The following ERC2 variants were observed in gnomAD, a reference collection of about 807,000 sequenced individuals.
ERC2 encodes ELKS/RAB6-interacting/CAST family member 2, also known as ERC protein 2.
Under a neutral mutation model 114.8 loss-of-function variants are expected in ERC2, and 42 were observed. That is an observed-to-expected ratio of 0.37 (90% CI 0.29 to 0.47). The LOEUF is 0.47. ERC2 is among the 20% of genes least tolerant of loss of function. ERC2 has a pLI of 0.99. For synonymous variants in ERC2, 454 were observed against 425.5 expected, an observed-to-expected ratio of 1.07 and a Z score of -0.82; for missense variants, 939 against 1,150.7, an observed-to-expected ratio of 0.82 and a Z score of 2.66.
chr3:55,808,701 TTA>T (rs377604698), intron 14 of ERC2, among the ~76,000 whole-genome samples: 6,270 of 61,254 alleles, frequency 0.1, 232 homozygotes, highest in East Asian at 0.14. Flanking sequence ...TACCATAATT[TTA>T]TATATATATA....
At chr3:55,744,445 AAAAC>A (rs796935932) in intron 14 of ERC2, among the ~76,000 whole-genome samples, 16 of 152,240 alleles carry the variant, frequency 1.1e-4, no homozygotes, top group African/African-American at 3.9e-4. Context: ...AACAAAAAGC[AAAAC>A]AAACAAACAA....
At chr3:56,079,180 T>G (rs1465453836) in intron 7 of ERC2, among the ~76,000 whole-genome samples, 1 of 152,154 alleles carries the variant, frequency 6.6e-6, no homozygotes, top group Non-Finnish European at 1.5e-5. Flanking sequence ...TGAAATTCAT[T>G]TTCATTTACC....
chr3:56,150,208 C>T (rs1390040748), intron 4 of ERC2, among the ~76,000 whole-genome samples: 1 of 152,150 alleles, frequency 6.6e-6, no homozygotes, highest in Non-Finnish European at 1.5e-5. Flanking sequence ...AGACTAAGAA[C>T]TCCAAAAGTA....
intron 17 of ERC2, among the ~76,000 whole-genome samples, chr3:55,528,377 A>G (rs2053462619): frequency 6.6e-6 from 1 of 152,208 alleles, no homozygotes. Context: ...ACTGCCTATT[A>G]TCTTGGCAAA....
rs546734063 is a variant in ERC2 at position 56,462,511 on chromosome 3, T to C, written c.-141+5737A>G. On this transcript the variant is annotated intron_variant, in intron 1 of 17. Transcript: ENST00000288221. Reference sequence around the variant, plus strand: ...ACTAGCCCATGAAATCAAACTCAAATATTTCAACCAGGAATCCAGATGCCT... The same window carrying C: ...ACTAGCCCATGAAATCAAACTCAAACATTTCAACCAGGAATCCAGATGCCT... Among the ~76,000 whole-genome samples, 72 of 152,284 alleles carry C rather than the reference T, an allele frequency of 4.7e-4. 3 individuals are homozygous for C. In the South Asian group the frequency reaches 0.014, roughly 30 times the overall value.
chr3:55,884,167 CAGCAGAATGCTTATCAG>C (rs2063254662), intron 14 of ERC2, among the ~76,000 whole-genome samples: 1 of 152,156 alleles, frequency 6.6e-6, no homozygotes, highest in Admixed American at 6.5e-5. Context: ...TAAAATTAAA[CAGCAGAATGCTTATCAG>C]AACACTGGAA....
chr3:55,779,523 T>C (rs1430296023), intron 14 of ERC2, among the ~76,000 whole-genome samples: 1 of 150,854 alleles, frequency 6.6e-6, no homozygotes, highest in African/African-American at 2.4e-5. Context: ...GTTCTGGAAA[T>C]ATAGACTGCT....
chr3:55,539,926 ATT>A (rs58377855), intron 17 of ERC2, among the ~76,000 whole-genome samples: 577 of 130,096 alleles, frequency 4.4e-3, no homozygotes, highest in African/African-American at 9.4e-3. Flanking sequence ...TCCTGTGGGG[ATT>A]TTTTTTTTTT....
intron 17 of ERC2, among the ~76,000 whole-genome samples, chr3:55,517,120 A>G (rs2052567436): frequency 6.6e-6 from 1 of 152,142 alleles, no homozygotes. Flanking sequence ...AATACCTGTG[A>G]TATGTAACTA....
intron 1 of ERC2, among the ~76,000 whole-genome samples, chr3:56,439,604 T>G (rs943155036): frequency 3.3e-5 from 5 of 151,944 alleles, no homozygotes; most frequent in Non-Finnish European, 7.4e-5. Context: ...GATTTTCCAG[T>G]CTTATTGGCA....
chr3:55,808,699 TTTTA>T (rs1288846181), intron 14 of ERC2, among the ~76,000 whole-genome samples: 3 of 60,910 alleles, frequency 4.9e-5, no homozygotes, highest in East Asian at 5.6e-4. Flanking sequence ...TATACCATAA[TTTTA>T]TATATATATA....
intron 17 of ERC2, among the ~76,000 whole-genome samples, chr3:55,668,434 G>C (rs988628451): frequency 5.3e-5 from 8 of 152,184 alleles, no homozygotes; most frequent in Non-Finnish European, 7.3e-5. Flanking sequence ...ACTAAGTAGA[G>C]TTACACATGG....
chr3:56,087,602 A>G (rs1307216527), intron 6 of ERC2, among the ~76,000 whole-genome samples: 3 of 152,178 alleles, frequency 2.0e-5, no homozygotes, highest in Admixed American at 6.6e-5. Flanking sequence ...ACTTGAGAGA[A>G]AAAAACACCT....
At chr3:55,763,560 G>A (rs972838226) in intron 14 of ERC2, among the ~76,000 whole-genome samples, 3 of 152,162 alleles carry the variant, frequency 2.0e-5, no homozygotes, top group African/African-American at 7.2e-5. Flanking sequence ...TTTAAAGGGG[G>A]ATAGTTACTG....
intron 2 of ERC2, among the ~76,000 whole-genome samples, chr3:56,361,978 T>C (rs112630815): frequency 4.6e-5 from 7 of 152,254 alleles, no homozygotes; most frequent in African/African-American, 1.7e-4. Context: ...AGAAACACTG[T>C]TTTAATTACA....
chr3:55,968,664 A>G (rs1302623986), intron 12 of ERC2, among the ~76,000 whole-genome samples: 1 of 152,164 alleles, frequency 6.6e-6, no homozygotes, highest in African/African-American at 2.4e-5. Flanking sequence ...CACAAAAATG[A>G]TACACGTTTA....
chr3:55,818,459 C>T (rs1575701568), intron 14 of ERC2, among the ~76,000 whole-genome samples: 1 of 152,202 alleles, frequency 6.6e-6, no homozygotes, highest in Admixed American at 6.5e-5. Context: ...TGCTATTACA[C>T]TGATAAGATT....
chr3:56,225,161 T>C (rs1467813785), intron 3 of ERC2, among the ~76,000 whole-genome samples: 1 of 152,128 alleles, frequency 6.6e-6, no homozygotes, highest in Non-Finnish European at 1.5e-5. Flanking sequence ...ACTCCCACCA[T>C]GTGCCCCCTC....
At chr3:56,177,526 A>G (rs1193809588) in intron 3 of ERC2, among the ~76,000 whole-genome samples, 2 of 152,216 alleles carry the variant, frequency 1.3e-5, no homozygotes, top group Admixed American at 1.3e-4. Flanking sequence ...CTCTGTAAAA[A>G]TCAAACAGGA....
Sources: allele counts gnomAD v4.1 joint callset (sites outside exome capture counted in the v4.1 genomes callset), GRCh38; gene constraint gnomAD v4.1.1; transcripts MANE v1.5; gene names NCBI Gene and HGNC (gene_info 2026-07-23, HGNC 2026-07-21).